ZNF385B: variants seen among roughly 807,000 people sequenced by gnomAD.
The protein encoded by ZNF385B is zinc finger protein 385B.
Under a neutral mutation model 39.2 loss-of-function variants are expected in ZNF385B, and 23 were observed. The ratio of observed to expected loss-of-function variants is 0.59; its 90% confidence interval spans 0.42 to 0.83. ZNF385B has a LOEUF of 0.83. Among genes scored for constraint, ZNF385B ranks in the 40% least tolerant of loss-of-function variants. ZNF385B has a pLI of 0.00. For synonymous variants in ZNF385B, 205 were observed against 222.6 expected (o/e 0.92, Z 0.70); for missense variants, 552 against 598.9 (o/e 0.92, Z 0.82).
intron 4 of ZNF385B, among the ~76,000 whole-genome samples, chr2:179,524,666 A>G (rs2058770871): frequency 6.6e-6 from 1 of 151,872 alleles, no homozygotes; most frequent in African/African-American, 2.4e-5. Flanking sequence ...GGATAGGAAA[A>G]TGAGTAAAAC....
At chr2:179,612,722 C>T (rs1463762014) in intron 3 of ZNF385B, among the ~76,000 whole-genome samples, 1 of 152,158 alleles carries the variant, frequency 6.6e-6, no homozygotes, top group African/African-American at 2.4e-5. Context: ...TAACCACTGC[C>T]TGGCTATCAC....
chr2:179,691,169 CAATT>C (rs773981631), intron 3 of ZNF385B, among the ~76,000 whole-genome samples: 2 of 152,106 alleles, frequency 1.3e-5, no homozygotes, highest in Non-Finnish European at 2.9e-5. Flanking sequence ...GGTTATTAAT[CAATT>C]AAAGTCCTAA....
intron 3 of ZNF385B, among the ~76,000 whole-genome samples, chr2:179,591,264 T>C (rs931750210): frequency 1.3e-5 from 2 of 152,212 alleles, no homozygotes; most frequent in African/African-American, 2.4e-5. Flanking sequence ...ATTATCTGTA[T>C]AGTGTGGTTT....
At chr2:179,636,563 A>G (rs1691770696) in intron 3 of ZNF385B, among the ~76,000 whole-genome samples, 1 of 152,188 alleles carries the variant, frequency 6.6e-6, no homozygotes, top group Non-Finnish European at 1.5e-5. Flanking sequence ...TTACGAAAAC[A>G]TATGATCACG....
rs182954833 is a variant in ZNF385B, at chr2:179,753,225, T to C, written c.298+16278A>G. 3.9e-5 allele frequency among the ~76,000 whole-genome samples: 6 copies of C among 152,340 alleles called. No homozygotes were observed. In the East Asian group the frequency reaches 1.2e-3, roughly 29 times the overall value. ...CCATTTCTTGTTTTTGTCAGGTTTG[T>C]CAAAGATCAGATAGTTGTAAATGTG... On this transcript the variant is annotated intron_variant, in intron 3 of 9. Coordinates refer to ENST00000410066, the MANE Select transcript of ZNF385B (RefSeq NM_152520.6).
chr2:179,557,383 C>T (rs1294032293), intron 3 of ZNF385B, among the ~76,000 whole-genome samples: 1 of 149,538 alleles, frequency 6.7e-6, no homozygotes, highest in Non-Finnish European at 1.5e-5. Flanking sequence ...GGGAGAAATT[C>T]AATGAAAGAA....
intron 3 of ZNF385B, among the ~76,000 whole-genome samples, chr2:179,751,676 AG>A (rs1200442607): frequency 6.6e-6 from 1 of 152,132 alleles, no homozygotes; most frequent in Non-Finnish European, 1.5e-5. Flanking sequence ...ACAATAACAG[AG>A]GATCCTGGGG....
At chr2:179,477,335 TATACTC>T (rs1375768836) in intron 6 of ZNF385B, among the ~76,000 whole-genome samples, 1 of 152,200 alleles carries the variant, frequency 6.6e-6, no homozygotes, top group African/African-American at 2.4e-5. Flanking sequence ...ATCATACTGA[TATACTC>T]ATTGATAACG....
chr2:179,461,284 T>A (rs1283282246), intron 6 of ZNF385B, among the ~76,000 whole-genome samples: 2 of 152,176 alleles, frequency 1.3e-5, no homozygotes, highest in African/African-American at 4.8e-5. Flanking sequence ...ATTTTGCCTC[T>A]TGCGTGGAGA....
At chr2:179,717,601 T>C (rs1197395782) in intron 3 of ZNF385B, among the ~76,000 whole-genome samples, 1 of 152,140 alleles carries the variant, frequency 6.6e-6, no homozygotes, top group Admixed American at 6.6e-5. Flanking sequence ...CCAGGCTAGG[T>C]GGTACACGCC....
intron 3 of ZNF385B, among the ~76,000 whole-genome samples, chr2:179,651,966 G>C (rs1693231670): frequency 6.6e-6 from 1 of 152,136 alleles, no homozygotes; most frequent in African/African-American, 2.4e-5. Context: ...AAGTCATTTA[G>C]AGAAGACAGA....
intron 3 of ZNF385B, among the ~76,000 whole-genome samples, chr2:179,727,196 T>C (rs1474249242): frequency 6.6e-6 from 1 of 152,094 alleles, no homozygotes; most frequent in Non-Finnish European, 1.5e-5. Context: ...TGATAACCAC[T>C]CAATTTTATG....
chr2:179,535,895 C>G (rs1398866180), intron 4 of ZNF385B, among the ~76,000 whole-genome samples: 1 of 152,134 alleles, frequency 6.6e-6, no homozygotes, highest in African/African-American at 2.4e-5. Flanking sequence ...TCTCCAACCC[C>G]CAAGGGATGT....
intron 5 of ZNF385B, among the ~76,000 whole-genome samples, chr2:179,484,851 T>C (rs747487838): frequency 6.6e-6 from 1 of 152,142 alleles, no homozygotes; most frequent in Non-Finnish European, 1.5e-5. Flanking sequence ...GGGATGCATA[T>C]ACACTAGTAG....
intron 3 of ZNF385B, among the ~76,000 whole-genome samples, chr2:179,564,495 G>T (rs1039869161): frequency 5.9e-5 from 9 of 152,094 alleles, no homozygotes; most frequent in Non-Finnish European, 1.2e-4. Flanking sequence ...TCTTTAGTCA[G>T]TCCATTCTTA....
intron 3 of ZNF385B, among the ~76,000 whole-genome samples, chr2:179,565,714 G>C (rs907695981): frequency 1.3e-5 from 2 of 152,122 alleles, no homozygotes; most frequent in Non-Finnish European, 2.9e-5. Context: ...CAGGATGCTC[G>C]TCCCTTTTTG....
In ZNF385B at chr2:179,445,715, C is replaced by T; in HGVS notation, c.975G>A (p.Lys325=). ...LEAHNTGSKH[K]TMVEARNGAG... Reference sequence around the variant, plus strand: ...CCCCATTACGAGCTTCAACCATGGTCTTGTGTTTAGATCCTAAGACAGAAA... The same window carrying T: ...CCCCATTACGAGCTTCAACCATGGTTTTGTGTTTAGATCCTAAGACAGAAA... The change falls in exon 8 of 10, where the codon AAG becomes AAA. Residue 325 remains lysine, a synonymous_variant. Transcript: ENST00000410066. The T allele has an allele frequency of 6.2e-7, 1 of 1,610,850 alleles. No homozygotes were observed. The highest frequency in any genetic ancestry group is 1.1e-5 in the South Asian group (1 of 90,322).
At chr2:179,700,239 A>T (rs779208973) in intron 3 of ZNF385B, among the ~76,000 whole-genome samples, 3 of 152,142 alleles carry the variant, frequency 2.0e-5, no homozygotes, top group East Asian at 3.9e-4. Context: ...GCAGCCCATG[A>T]CTTCAAAATG....
At chr2:179,516,557 T>G (rs558199271) in intron 5 of ZNF385B, among the ~76,000 whole-genome samples, 2 of 152,260 alleles carry the variant, frequency 1.3e-5, no homozygotes, top group African/African-American at 4.8e-5. Context: ...TTTATGTGCT[T>G]ATTCATCATT....
Sources: allele counts gnomAD v4.1 joint callset (sites outside exome capture counted in the v4.1 genomes callset), GRCh38; gene constraint gnomAD v4.1.1; transcripts MANE v1.5; gene names NCBI Gene and HGNC (gene_info 2026-07-23, HGNC 2026-07-21).